The following FAM135A variants were observed in gnomAD, a reference collection of about 807,000 sequenced individuals.
The protein encoded by FAM135A is family with sequence similarity 135 member A.
In FAM135A, 79 loss-of-function variants were observed where a neutral mutation model predicts 146.8. The ratio of observed to expected loss-of-function variants is 0.54; its 90% CI spans 0.45 to 0.65. FAM135A has a LOEUF of 0.65. Among genes scored for constraint, FAM135A ranks in the 30% least tolerant of loss-of-function variants. The pLI is 0.00. For missense variants in FAM135A, 1,623 were observed against 1,758.2 expected, an observed-to-expected ratio of 0.92 and a Z score of 1.38; for synonymous variants, 562 against 603.6, an observed-to-expected ratio of 0.93 and a Z score of 1.01.
chr6:70,476,828 C>T (rs1782708015), intron 7 of FAM135A, among the ~76,000 whole-genome samples: 1 of 151,844 alleles, frequency 6.6e-6, no homozygotes, highest in South Asian at 2.1e-4. Flanking sequence ...TGTACTGCAG[C>T]CTTGTAATAA....
rs559421939 is a variant in FAM135A at position 70,519,647 on chromosome 6, G to T, written c.1030-2866G>T. On this transcript the variant is annotated intron_variant, in intron 12 of 21. Coordinates refer to ENST00000418814, the MANE Select transcript of FAM135A (RefSeq NM_001162529.3). Reference sequence around the variant, plus strand: ...CTTCCAGCAGCAAAAGTAGCCGAAGGCTCAGATGATCATTAGCATTTTTAA... The same window carrying T: ...CTTCCAGCAGCAAAAGTAGCCGAAGTCTCAGATGATCATTAGCATTTTTAA... 8.5e-5 allele frequency among the ~76,000 whole-genome samples: 13 copies of T among 152,320 alleles called. No individual in the cohort carries two copies. In the South Asian group the frequency reaches 2.5e-3, roughly 29 times the overall value.
intron 2 of FAM135A, among the ~76,000 whole-genome samples, chr6:70,424,711 C>CA (rs781222751): frequency 4.6e-4 from 70 of 152,310 alleles, no homozygotes; most frequent in Non-Finnish European, 8.4e-4. Flanking sequence ...ACAAACTAGC[C>CA]AATTCTTGCT....
chr6:70,536,177 C>T, intron 18 of FAM135A, 83 bp from the exon 19 acceptor site: 2 of 1,296,582 alleles, frequency 1.5e-6, no homozygotes, highest in Non-Finnish European at 2.1e-6. Flanking sequence ...TTAGTATTCA[C>T]ATCCATTTTA....
At chr6:70,445,824 G>T (rs967037568) in intron 4 of FAM135A, among the ~76,000 whole-genome samples, 1 of 152,008 alleles carries the variant, frequency 6.6e-6, no homozygotes, top group Admixed American at 6.6e-5. Context: ...CAGTTTTGGG[G>T]CCAGTTTAAT....
chr6:70,509,075 T>C (rs1411031475), intron 12 of FAM135A, among the ~76,000 whole-genome samples: 1 of 152,292 alleles, frequency 6.6e-6, no homozygotes, highest in Middle Eastern at 3.4e-3. Context: ...CAAGTTGATA[T>C]GGTGACTCTG....
intron 20 of FAM135A, among the ~76,000 whole-genome samples, chr6:70,548,032 A>G (rs1195208741): frequency 1.3e-5 from 2 of 152,304 alleles, no homozygotes; most frequent in African/African-American, 4.8e-5. Context: ...AGATAAACCT[A>G]GAATATTAGC....
intron 4 of FAM135A, among the ~76,000 whole-genome samples, chr6:70,438,000 CT>C (rs1019661720): frequency 6.6e-6 from 1 of 151,720 alleles, no homozygotes; most frequent in Admixed American, 6.6e-5. Context: ...TTTCGAGAAA[CT>C]TTTTTTTACT....
intron 12 of FAM135A, 37 bp from the exon 13 acceptor site, chr6:70,522,476 C>T (rs372803936): frequency 1.5e-5 from 23 of 1,577,286 alleles, no homozygotes; most frequent in African/African-American, 4.0e-5. Context: ...TTTTTAAATA[C>T]GTCATGTTAT....
chr6:70,453,414 T>C (rs1488884376), intron 5 of FAM135A, among the ~76,000 whole-genome samples: 4 of 152,104 alleles, frequency 2.6e-5, no homozygotes, highest in African/African-American at 7.2e-5. Context: ...ATTTTTTATT[T>C]TTATTTTTTA....
chr6:70,426,640 C>T (rs1770213618), intron 3 of FAM135A, 108 bp downstream of exon 3: 1 of 152,230 alleles, frequency 6.6e-6, no homozygotes, highest in Non-Finnish European at 1.5e-5. Flanking sequence ...TTTTACCCCA[C>T]TTGCAAGCTG....
chr6:70,531,626 C>T (rs1795811115), intron 16 of FAM135A, among the ~76,000 whole-genome samples: 1 of 152,174 alleles, frequency 6.6e-6, no homozygotes, highest in South Asian at 2.1e-4. Context: ...AGGGCATGAA[C>T]AAAATGAAGT....
chr6:70,545,959 TATC>T (rs1361964411), intron 20 of FAM135A, among the ~76,000 whole-genome samples: 1 of 152,184 alleles, frequency 6.6e-6, no homozygotes, highest in African/African-American at 2.4e-5. Context: ...CACTTTTAAA[TATC>T]AACAAGTATT....
chr6:70,516,136 C>A (rs1255614136), intron 12 of FAM135A, among the ~76,000 whole-genome samples: 1 of 152,078 alleles, frequency 6.6e-6, no homozygotes, highest in South Asian at 2.1e-4. Flanking sequence ...AGGGTAAGTT[C>A]TCCTCTCATG....
intron 4 of FAM135A, among the ~76,000 whole-genome samples, chr6:70,433,961 C>G (rs1465107021): frequency 1.3e-5 from 2 of 152,126 alleles, no homozygotes; most frequent in Non-Finnish European, 2.9e-5. Context: ...TAATTTTACT[C>G]TATTCTATCA....
chr6:70,559,877 T>C lies in FAM135A; in HGVS notation c.4504T>C (p.Leu1502=). ...HIAVLDSEIF[L]EKFFLVAALK... ...AGCTGTTCTTGATTCGGAAATATTT[T>C]TAGAGAAATTCTTTCTGGTTGCTGC... The change falls in exon 22 of 22, where the codon TTA becomes CTA. Residue 1502 remains leucine, a synonymous_variant. Coordinates refer to ENST00000418814, the MANE Select transcript of FAM135A (RefSeq NM_001162529.3). The C allele has an allele frequency of 6.2e-7, 1 of 1,614,052 alleles. No individual in the cohort carries two copies. Among genetic ancestry groups the C allele is most frequent in the Non-Finnish European group, 8.5e-7 (1 of 1,179,998 alleles).
At chr6:70,498,688 T>C (rs1003090215) in intron 11 of FAM135A, among the ~76,000 whole-genome samples, 1 of 152,204 alleles carries the variant, frequency 6.6e-6, no homozygotes, top group Non-Finnish European at 1.5e-5. Flanking sequence ...TTTGTTCTCA[T>C]TGGTTTCAAA....
intron 1 of FAM135A, among the ~76,000 whole-genome samples, 193 bp from the exon 2 acceptor site, chr6:70,415,098 A>G (rs2127662735): frequency 6.6e-6 from 1 of 152,336 alleles, no homozygotes; most frequent in Non-Finnish European, 1.5e-5. Context: ...TAGGAGACAT[A>G]CGTGAGAAGT....
At chr6:70,505,075 T>G (rs369080727) in intron 12 of FAM135A, 1 of 72 alleles carries the variant, frequency 0.014, no homozygotes, top group African/African-American at 0.071. Flanking sequence ...TAGATACACA[T>G]ATATATATAT....
At chr6:70,426,585 A>G (rs896463792) in intron 3 of FAM135A, 53 bp downstream of exon 3, 3 of 152,222 alleles carry the variant, frequency 2.0e-5, no homozygotes, top group African/African-American at 7.2e-5. Context: ...AGTATTTGCC[A>G]AATTTCTATG....
Sources: gnomAD v4.1 joint callset for allele counts (sites outside exome capture counted in the v4.1 genomes callset) on GRCh38, gnomAD v4.1.1 for gene constraint, MANE v1.5 for transcripts, NCBI Gene and HGNC (gene_info 2026-07-23, HGNC 2026-07-21) for gene names.